The following EZH2 variants were observed in gnomAD, a reference collection of about 807,000 sequenced individuals.
EZH2 encodes enhancer of zeste 2 polycomb repressive complex 2 subunit, also known as histone-lysine N-methyltransferase EZH2.
A neutral mutation model predicts 98.4 loss-of-function variants in EZH2; 18 were observed. The observed-to-expected ratio is 0.18, with a 90% CI of 0.13 to 0.27. The LOEUF is 0.27. EZH2 is among the 10% of genes least tolerant of loss of function. The pLI is 1.00. For synonymous variants in EZH2, 338 were observed against 312.3 expected (o/e 1.08, Z -0.87); for missense variants, 470 against 935.1 (o/e 0.50, Z 6.49).
intron 1 of EZH2, among the ~76,000 whole-genome samples, chr7:148,866,548 A>ATATATATACG (rs1818508158): frequency 9.8e-6 from 1 of 101,932 alleles, no homozygotes; most frequent in Admixed American, 1.1e-4. Context: ...GTATATACAT[A>ATATATATACG]TATATACATA....
chr7:148,824,821 T>C (rs1028635902), intron 8 of EZH2, among the ~76,000 whole-genome samples: 10 of 152,238 alleles, frequency 6.6e-5, no homozygotes, highest in Middle Eastern at 3.4e-3. Flanking sequence ...GAAGTAAAAG[T>C]GGGCCTAGCA....
In EZH2 at chr7:148,811,506, G is replaced by A; in HGVS notation, c.1947+119C>T. On this transcript the variant is annotated intron_variant, in intron 16 of 19. Coordinates refer to ENST00000320356, the MANE Select transcript of EZH2 (RefSeq NM_004456.5). The stretch of plus-strand genomic sequence containing the variant: ...AACATGCAGAAGTCCAGGCTGAAAA[G>A]GCAGTTTATGGCAATTCATTTCCAA... 2 of 751,614 alleles carry A rather than the reference G, an allele frequency of 2.7e-6. 1 individual carries two copies. The highest frequency in any genetic ancestry group is 3.8e-5 in the South Asian group (2 of 52,060). The allele number at this position is 751,614 out of a possible 1,614,324, so 46.6% of individuals were successfully genotyped here.
intron 2 of EZH2, among the ~76,000 whole-genome samples, 186 bp from the exon 3 acceptor site, chr7:148,846,784 T>C (rs892415735): frequency 5.3e-5 from 8 of 151,950 alleles, no homozygotes; most frequent in Admixed American, 5.3e-4. Context: ...ACATCTGTTA[T>C]TTTATTGCAA....
At chr7:148,839,092 G>GAAA (rs1811712497) in intron 3 of EZH2, among the ~76,000 whole-genome samples, 3 of 144,574 alleles carry the variant, frequency 2.1e-5, no homozygotes, top group African/African-American at 8.0e-5. Context: ...AAGGAAGGAA[G>GAAA]GAAGGAAGGA....
intron 16 of EZH2, among the ~76,000 whole-genome samples, chr7:148,811,049 A>C (rs552361935): frequency 6.6e-6 from 1 of 152,214 alleles, no homozygotes; most frequent in African/African-American, 2.4e-5. Context: ...TTGTGGATTA[A>C]GCAGGCCACT....
intron 1 of EZH2, among the ~76,000 whole-genome samples, chr7:148,873,557 ATTTTT>A (rs58553084): frequency 0.029 from 2,294 of 79,906 alleles, 35 homozygotes; most frequent in African/African-American, 0.088. Context: ...CATGCTCTTC[ATTTTT>A]TTTTTTTTTT....
At chr7:148,848,691 A>G (rs1429909451) in intron 1 of EZH2, among the ~76,000 whole-genome samples, 1 of 152,216 alleles carries the variant, frequency 6.6e-6, no homozygotes, top group East Asian at 1.9e-4. Context: ...AGCAGTGTAT[A>G]CGAACTTGAA....
At chr7:148,882,711 G>A (rs1241833900) in intron 1 of EZH2, among the ~76,000 whole-genome samples, 3 of 152,144 alleles carry the variant, frequency 2.0e-5, no homozygotes, top group Non-Finnish European at 4.4e-5. Context: ...ATTAAATGCT[G>A]TTTTATGATG....
intron 1 of EZH2, among the ~76,000 whole-genome samples, chr7:148,875,799 T>C (rs1820090213): frequency 6.6e-6 from 1 of 152,226 alleles, no homozygotes; most frequent in Admixed American, 6.5e-5. Flanking sequence ...CAGTCCTATG[T>C]GTCCATCCAT....
At position 148,878,291 on chromosome 7, in the gene EZH2, T is replaced by C. The variant is rs145284305; in HGVS notation, c.-8+5873A>G. Among the ~76,000 whole-genome samples the C allele has an allele frequency of 5.2e-4, 79 of 152,338 alleles. 1 individual carries two copies. In the East Asian group the frequency reaches 0.013, roughly 26 times the overall value. ...TTCACCTCTCCCCTCACAGCCCTGG[T>C]AACCTCTATTCTACTTTCTGTCTCC... On this transcript the variant is annotated intron_variant, in intron 1 of 19. Coordinates refer to ENST00000320356, the MANE Select transcript of EZH2 (RefSeq NM_004456.5).
chr7:148,863,622 A>C (rs947412958), intron 1 of EZH2, among the ~76,000 whole-genome samples: 2 of 152,236 alleles, frequency 1.3e-5, no homozygotes, highest in Admixed American at 1.3e-4. Flanking sequence ...TAAAATAAAA[A>C]TCTTGACCCA....
At position 148,882,543 on chromosome 7, in the gene EZH2, A is replaced by C. The variant is rs1285824293; in HGVS notation, c.-8+1621T>G. ...TAAATACTTGTTTTCCTGCAAATAA[A>C]ATTACAAATAAACAAGTTAGGATTA... On this transcript the variant is annotated intron_variant, in intron 1 of 19. Transcript: ENST00000320356. Among the ~76,000 whole-genome samples the C allele has an allele frequency of 2.0e-5, 3 of 152,216 alleles. No homozygotes were observed. In the East Asian group the frequency reaches 5.8e-4, roughly 29 times the overall value.
chr7:148,845,927 G>A (rs907287572), intron 3 of EZH2, among the ~76,000 whole-genome samples: 1 of 152,142 alleles, frequency 6.6e-6, no homozygotes, highest in Non-Finnish European at 1.5e-5. Context: ...TAGATTTACT[G>A]CCTTTCTTTG....
At chr7:148,822,917 G>C (rs1806582226) in intron 8 of EZH2, among the ~76,000 whole-genome samples, 1 of 152,130 alleles carries the variant, frequency 6.6e-6, no homozygotes, top group Non-Finnish European at 1.5e-5. Context: ...ACTCCAGCCT[G>C]GGCGACAGAG....
chr7:148,875,179 G>C (rs1457461542), intron 1 of EZH2, among the ~76,000 whole-genome samples: 1 of 152,074 alleles, frequency 6.6e-6, no homozygotes, highest in Non-Finnish European at 1.5e-5. Context: ...TATCCTTTTA[G>C]TTTACAAGTT....
Position 148,807,409 on chromosome 7 carries a change from A to G in EZH2, c.*237T>C, listed in dbSNP as rs1801760735. The G allele has an allele frequency of 4.0e-6, 2 of 504,312 alleles. No individual in the cohort carries two copies. The highest frequency in any genetic ancestry group is 3.5e-6 in the Non-Finnish European group (1 of 283,460). 31.2% of individuals were successfully genotyped at this position (504,312 alleles called of 1,614,324 possible). On this transcript the variant is annotated 3_prime_UTR_variant, in exon 20 of 20. Coordinates refer to ENST00000320356, the MANE Select transcript of EZH2 (RefSeq NM_004456.5). ...ACAAGTTCAAGTATTCTTTATTCAA[A>G]GTTGAAAAATGTACCATACTGCATT...
intron 1 of EZH2, among the ~76,000 whole-genome samples, chr7:148,882,845 T>G (rs115299495): frequency 3.6e-3 from 549 of 152,348 alleles, no homozygotes; most frequent in African/African-American, 0.012. Context: ...AGATCCTGTG[T>G]GATAAAGGAA....
intron 9 of EZH2, among the ~76,000 whole-genome samples, chr7:148,819,261 C>T (rs1292132299): frequency 6.6e-6 from 1 of 152,104 alleles, no homozygotes; most frequent in Non-Finnish European, 1.5e-5. Flanking sequence ...GGATCTACTG[C>T]GTATGATTAC....
intron 1 of EZH2, among the ~76,000 whole-genome samples, chr7:148,873,152 C>T (rs968128651): frequency 6.6e-6 from 1 of 151,760 alleles, no homozygotes; most frequent in Non-Finnish European, 1.5e-5. Flanking sequence ...CACTATACTC[C>T]AGCCTGGGCA....
Sources: gnomAD v4.1 joint callset for allele counts (sites outside exome capture counted in the v4.1 genomes callset) on GRCh38, gnomAD v4.1.1 for gene constraint, MANE v1.5 for transcripts, NCBI Gene and HGNC (gene_info 2026-07-23, HGNC 2026-07-21) for gene names.